Variants in NEU3 observed in about 807,000 individuals in gnomAD.
The protein encoded by NEU3 is neuraminidase 3.
A neutral mutation model predicts 11.4 loss-of-function variants in NEU3; 10 were observed. That is an observed-to-expected ratio of 0.88 (90% CI 0.54 to 1.49). The LOEUF (loss-of-function observed/expected upper bound fraction) is 1.49, where lower values mean the gene tolerates loss of function less well. Among genes scored for constraint, NEU3 ranks in the 40% most tolerant of loss-of-function variants. NEU3 has a pLI of 0.00. For missense variants in NEU3, 529 were observed against 581.8 expected, an observed-to-expected ratio of 0.91 and a Z score of 0.93; for synonymous variants, 212 against 228.2, an observed-to-expected ratio of 0.93 and a Z score of 0.64.
At chr11:74,987,898 CT>C (rs58508078), upstream of NEU3, among the ~76,000 whole-genome samples, 14 of 22,336 alleles carry the variant, frequency 6.3e-4, no homozygotes, top group Non-Finnish European at 1.2e-3. Context: ...TTTTTTTTTT[CT>C]TTTTTTTTTT....
intron 2 of NEU3, among the ~76,000 whole-genome samples, chr11:75,000,776 A>AATTTATTTATTTATTTATTT (rs61008511): frequency 1.5e-5 from 2 of 134,494 alleles, no homozygotes; most frequent in Non-Finnish European, 3.2e-5. Context: ...ATACCCAGCT[A>AATTTATTTATTTATTTATTT]ATTTATTTAT....
At chr11:75,001,731 T>C (rs1161961429) in intron 2 of NEU3, among the ~76,000 whole-genome samples, 1 of 152,266 alleles carries the variant, frequency 6.6e-6, no homozygotes, top group Non-Finnish European at 1.5e-5. Flanking sequence ...CTATGTTTAC[T>C]CTTTTTTCCA....
downstream of NEU3, among the ~76,000 whole-genome samples, chr11:75,014,431 C>T (rs1314495958): frequency 6.6e-6 from 1 of 152,206 alleles, no homozygotes; most frequent in Non-Finnish European, 1.5e-5. Flanking sequence ...GACTAGGTCT[C>T]AGCCCACCAT....
At chr11:75,017,272 G>C (rs1356646313) in intron 3 of NEU3, among the ~76,000 whole-genome samples, 1 of 152,180 alleles carries the variant, frequency 6.6e-6, no homozygotes, top group Non-Finnish European at 1.5e-5. Flanking sequence ...GCAGATCCTT[G>C]TGAGACTTCC....
intron 2 of NEU3, among the ~76,000 whole-genome samples, chr11:74,999,307 C>G (rs1948821348): frequency 6.6e-6 from 1 of 152,196 alleles, no homozygotes. Context: ...CCACTGAGCC[C>G]AGCAAGCATT....
chr11:74,997,607 A>G (rs1948802047), intron 2 of NEU3, among the ~76,000 whole-genome samples: 1 of 149,480 alleles, frequency 6.7e-6, no homozygotes, highest in Non-Finnish European at 1.5e-5. Flanking sequence ...GCACTTTGGG[A>G]GGCCAAGGTA....
chr11:74,990,996 T>A (rs549021871), intron 1 of NEU3, among the ~76,000 whole-genome samples: 1 of 152,350 alleles, frequency 6.6e-6, no homozygotes, highest in African/African-American at 2.4e-5. Flanking sequence ...GTCATAGGCC[T>A]TGTAATAGCC....
chr11:74,985,432 A>G (rs1948659719), upstream of NEU3, among the ~76,000 whole-genome samples: 1 of 152,206 alleles, frequency 6.6e-6, no homozygotes, highest in South Asian at 2.1e-4. Context: ...ATATGGATAT[A>G]TACAGATATA....
chr11:74,994,832 G>A, intron 2 of NEU3, 112 bp downstream of exon 2: 1 of 1,021,400 alleles, frequency 9.8e-7, no homozygotes, highest in Non-Finnish European at 1.5e-6. Context: ...TGTGTGGGGA[G>A]CAGAGGCAGA....
intron 2 of NEU3, among the ~76,000 whole-genome samples, chr11:75,002,915 C>T (rs1591759587): frequency 6.6e-6 from 1 of 152,146 alleles, no homozygotes; most frequent in Non-Finnish European, 1.5e-5. Flanking sequence ...TTCATTGTTA[C>T]ATAGTATTCT....
upstream of NEU3, among the ~76,000 whole-genome samples, chr11:74,987,394 C>T (rs1331582694): frequency 1.3e-5 from 2 of 152,116 alleles, no homozygotes; most frequent in African/African-American, 4.8e-5. Flanking sequence ...CTGAAATAGT[C>T]TTTTATGGCT....
chr11:75,013,813 G>T (rs1262225718), downstream of NEU3, among the ~76,000 whole-genome samples: 5 of 152,192 alleles, frequency 3.3e-5, no homozygotes, highest in Admixed American at 2.6e-4. Context: ...ATTCAGCAAG[G>T]TTACACAATA....
chr11:74,981,610 A>G, the NEU3 span, among the ~76,000 whole-genome samples: 1 of 152,138 alleles, frequency 6.6e-6, no homozygotes, highest in East Asian at 1.9e-4. Context: ...GCTATACCAT[A>G]AGTAATAAAG....
chr11:74,987,192 AG>A (rs1157093647), upstream of NEU3, among the ~76,000 whole-genome samples: 2 of 152,240 alleles, frequency 1.3e-5, no homozygotes, highest in East Asian at 3.8e-4. Context: ...ACCCAGAAAT[AG>A]GGTTTGTACA....
chr11:75,003,734 A>T (rs1390114173), intron 2 of NEU3, among the ~76,000 whole-genome samples: 14 of 152,030 alleles, frequency 9.2e-5, no homozygotes, highest in Admixed American at 9.2e-4. Context: ...TACTAAAAAT[A>T]AAAAAATTAG....
At chr11:75,016,213 C>A (rs1210971821) in intron 3 of NEU3, among the ~76,000 whole-genome samples, 1 of 152,174 alleles carries the variant, frequency 6.6e-6, no homozygotes, top group African/African-American at 2.4e-5. Flanking sequence ...TACCCATCAT[C>A]CAGACAATAA....
chr11:75,016,453 G>A (rs1948981911), intron 3 of NEU3, among the ~76,000 whole-genome samples: 1 of 152,176 alleles, frequency 6.6e-6, no homozygotes, highest in Non-Finnish European at 1.5e-5. Flanking sequence ...TTTCTGTTTT[G>A]AAGTTGAATT....
At chr11:75,003,982 T>C (rs1028496455) in intron 2 of NEU3, among the ~76,000 whole-genome samples, 1 of 152,238 alleles carries the variant, frequency 6.6e-6, no homozygotes, top group Non-Finnish European at 1.5e-5. Context: ...CCATTCTGTA[T>C]TGACGAATAT....
At chr11:75,005,180 A>G (rs1469957840) in intron 2 of NEU3, among the ~76,000 whole-genome samples, 2 of 152,174 alleles carry the variant, frequency 1.3e-5, no homozygotes, top group Non-Finnish European at 2.9e-5. Context: ...AGATGAAATG[A>G]GGAATAGCAT....
Sources: allele counts gnomAD v4.1 joint callset (sites outside exome capture counted in the v4.1 genomes callset), GRCh38; gene constraint gnomAD v4.1.1; transcripts MANE v1.5; gene names NCBI Gene and HGNC (gene_info 2026-07-23, HGNC 2026-07-21).